Variants in CDK6 observed in about 807,000 individuals in gnomAD.
The protein encoded by CDK6 is cyclin-dependent kinase 6.
CDK6 carries 6 observed loss-of-function variants against 37.1 expected under a neutral mutation model. The ratio of observed to expected loss-of-function variants is 0.16; its 90% CI spans 0.09 to 0.32. The LOEUF (loss-of-function observed/expected upper bound fraction) is 0.32, where lower values mean the gene tolerates loss of function less well. Ranked by LOEUF, CDK6 falls within the 10% of genes least tolerant of loss-of-function variation. The pLI is 1.00. For missense variants in CDK6, 224 were observed against 418.9 expected, an observed-to-expected ratio of 0.53 and a Z score of 4.06; for synonymous variants, 160 against 161.3, an observed-to-expected ratio of 0.99 and a Z score of 0.06.
chr7:92,749,005 C>A (rs1799124883), intron 3 of CDK6, among the ~76,000 whole-genome samples: 1 of 152,028 alleles, frequency 6.6e-6, no homozygotes, highest in Admixed American at 6.6e-5. Context: ...TTGAGACTAG[C>A]CTGACCAACA....
intron 4 of CDK6, among the ~76,000 whole-genome samples, chr7:92,706,026 A>T (rs757839898): frequency 1.3e-5 from 2 of 152,248 alleles, no homozygotes; most frequent in Non-Finnish European, 2.9e-5. Flanking sequence ...TAGCTGAAAG[A>T]GTTCTTATAT....
intron 2 of CDK6, among the ~76,000 whole-genome samples, chr7:92,776,176 T>C (rs1263815216): frequency 6.6e-6 from 1 of 152,024 alleles, no homozygotes; most frequent in East Asian, 1.9e-4. Context: ...TTTCTGTTCC[T>C]GTGTTAGTTT....
intron 3 of CDK6, among the ~76,000 whole-genome samples, chr7:92,733,818 T>C (rs1224599901): frequency 1.3e-5 from 2 of 152,190 alleles, no homozygotes; most frequent in Admixed American, 6.5e-5. Context: ...GAAAGTTTTC[T>C]CTTTCCACTC....
At chr7:92,782,259 A>G (rs1383177857) in intron 2 of CDK6, among the ~76,000 whole-genome samples, 2 of 152,198 alleles carry the variant, frequency 1.3e-5, no homozygotes, top group Non-Finnish European at 2.9e-5. Context: ...TATAAACACT[A>G]TGTACAACTT....
rs1053015877 is a variant in CDK6 at position 92,807,567 on chromosome 7, G to A, written c.233+25524C>T. Among the ~76,000 whole-genome samples, 10 of 151,066 alleles carry A rather than the reference G, an allele frequency of 6.6e-5. No homozygotes were observed. In the South Asian group the frequency reaches 2.1e-3, roughly 31 times the overall value. On this transcript the variant is annotated intron_variant, in intron 2 of 7. Transcript: ENST00000424848. ...TAGATATATATCAATATATATAATA[G>A]GTATAGATATAAATACATATTATTT... is the stretch of plus-strand genomic sequence containing the variant.
Position 92,739,079 on chromosome 7 carries a change from G to A in CDK6, c.370-13286C>T, listed in dbSNP as rs527633344. On this transcript the variant is annotated intron_variant, in intron 3 of 7. Transcript: ENST00000424848. The stretch of plus-strand genomic sequence containing the variant: ...GGTCTCTAACTTCATCTGGGCTTTC[G>A]GTACTGCCTTCTCTGGGTCTCTAGT... 3.3e-5 allele frequency among the ~76,000 whole-genome samples: 5 copies of A among 152,228 alleles called. No individual in the cohort carries two copies. In the South Asian group the frequency reaches 6.2e-4, roughly 19 times the overall value.
At position 92,835,038 on chromosome 7, in the gene CDK6, A is replaced by G. The variant is rs1801615124; in HGVS notation, c.-367-1348T>C. On this transcript the variant is annotated intron_variant, in intron 1 of 7. Transcript: ENST00000424848. This position sits in a 1 kb window ranked among gnomAD's most constrained non-coding sequence, Gnocchi z 4.2. ...GCACCTCGGAATTACCTGCCTCGCA[A>G]CCGCTGGCCCGCTCGCCTTTTGCCA... The G allele has an allele frequency of 6.6e-6, 1 of 152,214 alleles. No individual in the cohort carries two copies. 9.4% of individuals were successfully genotyped at this position (152,214 alleles called of 1,614,324 possible). A position where few individuals can be genotyped will look rare whatever the true frequency, so the allele number is the denominator to read the frequency against.
chr7:92,695,765 G>A (rs1194194357), intron 4 of CDK6, among the ~76,000 whole-genome samples: 1 of 152,246 alleles, frequency 6.6e-6, no homozygotes, highest in Non-Finnish European at 1.5e-5. Flanking sequence ...GGGTGGGGAA[G>A]GCAGGCTGAA....
At chr7:92,672,134 CATATAT>C (rs372523914) in intron 4 of CDK6, among the ~76,000 whole-genome samples, 12 of 65,408 alleles carry the variant, frequency 1.8e-4, no homozygotes, top group South Asian at 8.2e-4. Context: ...AAAAGCTGTA[CATATAT>C]ATATATATAT....
At chr7:92,727,645 C>T (rs901985512) in intron 3 of CDK6, among the ~76,000 whole-genome samples, 4 of 152,056 alleles carry the variant, frequency 2.6e-5, no homozygotes, top group African/African-American at 7.2e-5. Context: ...GCTACAAGGT[C>T]GGTGTGAACA....
chr7:92,753,601 T>C (rs997791192), intron 3 of CDK6, among the ~76,000 whole-genome samples: 15 of 152,270 alleles, frequency 9.9e-5, no homozygotes, highest in Admixed American at 9.8e-4. Flanking sequence ...CAAGCGATTC[T>C]CCTGCCTCAG....
intron 4 of CDK6, among the ~76,000 whole-genome samples, chr7:92,691,029 C>T (rs1797588862): frequency 6.6e-6 from 1 of 152,138 alleles, no homozygotes; most frequent in Admixed American, 6.5e-5. Context: ...TATTTACTTT[C>T]AATTACTTTT....
intron 5 of CDK6, among the ~76,000 whole-genome samples, chr7:92,653,453 C>T (rs1328756763): frequency 6.6e-6 from 1 of 152,148 alleles, no homozygotes; most frequent in African/African-American, 2.4e-5. Context: ...ATGAAAACAG[C>T]CTTTGAAGAT....
At chr7:92,811,313 T>G (rs1800877955) in intron 2 of CDK6, among the ~76,000 whole-genome samples, 1 of 152,138 alleles carries the variant, frequency 6.6e-6, no homozygotes, top group African/African-American at 2.4e-5. Context: ...CAAACCCCAA[T>G]GTAGCAGGGT....
At chr7:92,738,906 T>C (rs1238475209) in intron 3 of CDK6, among the ~76,000 whole-genome samples, 1 of 152,132 alleles carries the variant, frequency 6.6e-6, no homozygotes. Context: ...GCTTTTGGTA[T>C]TATTCTTTTT....
intron 5 of CDK6, among the ~76,000 whole-genome samples, chr7:92,667,853 A>G (rs1238994954): frequency 6.6e-6 from 1 of 152,186 alleles, no homozygotes; most frequent in South Asian, 2.1e-4. Flanking sequence ...CACCCGGCCA[A>G]AAAATTTAAA....
At chr7:92,644,874 G>C (rs761460743) in intron 5 of CDK6, among the ~76,000 whole-genome samples, 21 of 152,178 alleles carry the variant, frequency 1.4e-4, no homozygotes, top group Non-Finnish European at 2.9e-4. Context: ...GCCAATGTGG[G>C]CCTCCAGATT....
chr7:92,823,620 A>AT (rs1419732555), intron 2 of CDK6, among the ~76,000 whole-genome samples: 1 of 151,922 alleles, frequency 6.6e-6, no homozygotes, highest in Non-Finnish European at 1.5e-5. Flanking sequence ...AAAATATCCC[A>AT]TTTTAACCCA....
chr7:92,778,867 T>C (rs2115803790), intron 2 of CDK6, among the ~76,000 whole-genome samples: 2 of 148,482 alleles, frequency 1.3e-5, no homozygotes, highest in East Asian at 2.0e-4. Flanking sequence ...TGCTTACCAC[T>C]ACCTGGAATC....
Sources: allele counts gnomAD v4.1 joint callset (sites outside exome capture counted in the v4.1 genomes callset), GRCh38; gene constraint gnomAD v4.1.1; non-coding constraint Gnocchi (gnomAD v3.1); transcripts MANE v1.5; gene names NCBI Gene and HGNC (gene_info 2026-07-23, HGNC 2026-07-21).